CLSTN2: variants seen among roughly 807,000 people sequenced by gnomAD.
The protein encoded by CLSTN2 is calsyntenin 2.
A neutral mutation model predicts 101.2 loss-of-function variants in CLSTN2; 48 were observed. That is an observed-to-expected ratio of 0.47 (90% CI 0.38 to 0.60). The LOEUF (loss-of-function observed/expected upper bound fraction) is 0.60. Ranked by LOEUF, CLSTN2 falls within the 20% of genes least tolerant of loss-of-function variation. CLSTN2 has a pLI of 0.00. For missense variants in CLSTN2, 1,160 were observed against 1,238.2 expected (o/e 0.94, Z 0.95); for synonymous variants, 481 against 463.6 (o/e 1.04, Z -0.48).
intron 2 of CLSTN2, among the ~76,000 whole-genome samples, chr3:140,335,649 T>C (rs2087432433): frequency 1.3e-5 from 2 of 152,220 alleles, no homozygotes; most frequent in South Asian, 4.1e-4. Context: ...CCTTGGAGAC[T>C]ACATTTCTCA....
intron 1 of CLSTN2, among the ~76,000 whole-genome samples, chr3:139,969,292 C>G (rs1042438005): frequency 6.6e-6 from 1 of 152,202 alleles, no homozygotes; most frequent in African/African-American, 2.4e-5. Context: ...CCCAATTGCT[C>G]TTTGTCTTTT....
At chr3:140,052,635 G>A (rs1425247174) in intron 1 of CLSTN2, among the ~76,000 whole-genome samples, 2 of 152,180 alleles carry the variant, frequency 1.3e-5, no homozygotes, top group African/African-American at 2.4e-5. Flanking sequence ...CCACCACAAA[G>A]TCGGATTGGA....
At chr3:140,270,318 C>A (rs1299012093) in intron 2 of CLSTN2, among the ~76,000 whole-genome samples, 1 of 152,122 alleles carries the variant, frequency 6.6e-6, no homozygotes, top group Non-Finnish European at 1.5e-5. Context: ...TGCACCTGGC[C>A]CCAGAGCCTG....
chr3:140,424,941 C>A (rs2088548965), intron 5 of CLSTN2, among the ~76,000 whole-genome samples: 1 of 152,078 alleles, frequency 6.6e-6, no homozygotes, highest in Non-Finnish European at 1.5e-5. Flanking sequence ...GCCTCAACCC[C>A]CTCAGATCCA....
At chr3:140,105,091 G>A (rs1229108044) in intron 1 of CLSTN2, among the ~76,000 whole-genome samples, 5 of 152,214 alleles carry the variant, frequency 3.3e-5, no homozygotes, top group Non-Finnish European at 7.3e-5. Flanking sequence ...TCTAGCTTTT[G>A]GTTAAGCAGT....
At chr3:140,395,364 T>C (rs1289442865) in intron 2 of CLSTN2, among the ~76,000 whole-genome samples, 2 of 152,162 alleles carry the variant, frequency 1.3e-5, no homozygotes, top group Non-Finnish European at 2.9e-5. Context: ...TAGATAGACC[T>C]TTATACTTCC....
intron 1 of CLSTN2, among the ~76,000 whole-genome samples, chr3:140,080,417 G>A (rs1389619649): frequency 6.6e-6 from 1 of 152,208 alleles, no homozygotes; most frequent in African/African-American, 2.4e-5. Flanking sequence ...TTGAATGAAT[G>A]TTTGAAGACA....
chr3:140,524,244 C>A (rs1291238245), intron 8 of CLSTN2, among the ~76,000 whole-genome samples: 1 of 151,800 alleles, frequency 6.6e-6, no homozygotes, highest in Non-Finnish European at 1.5e-5. Context: ...GTTTGAAGTA[C>A]CTGTAGAACA....
At chr3:140,337,539 A>T (rs1269884630) in intron 2 of CLSTN2, among the ~76,000 whole-genome samples, 1 of 152,154 alleles carries the variant, frequency 6.6e-6, no homozygotes, top group Non-Finnish European at 1.5e-5. Flanking sequence ...CATTACATTC[A>T]CAGGTACCAG....
intron 5 of CLSTN2, among the ~76,000 whole-genome samples, chr3:140,426,352 C>A (rs2088564991): frequency 6.6e-6 from 1 of 152,122 alleles, no homozygotes; most frequent in Non-Finnish European, 1.5e-5. Flanking sequence ...TGTTCAGCTC[C>A]CACTTATAAA....
At chr3:140,195,990 T>G (rs2010638135) in intron 2 of CLSTN2, among the ~76,000 whole-genome samples, 1 of 152,176 alleles carries the variant, frequency 6.6e-6, no homozygotes, top group Admixed American at 6.5e-5. Flanking sequence ...CCTTCTATAG[T>G]GGATGCTGAT....
chr3:140,105,639 C>A (rs970261726), intron 1 of CLSTN2, among the ~76,000 whole-genome samples: 9 of 152,196 alleles, frequency 5.9e-5, no homozygotes, highest in African/African-American at 1.7e-4. Flanking sequence ...AGACTTATTA[C>A]TGGGGAGTGT....
chr3:140,210,391 A>G (rs1392446743), intron 2 of CLSTN2, among the ~76,000 whole-genome samples: 1 of 152,246 alleles, frequency 6.6e-6, no homozygotes, highest in African/African-American at 2.4e-5. Context: ...CAGGCTGTAC[A>G]TCTGGATGCT....
intron 2 of CLSTN2, among the ~76,000 whole-genome samples, chr3:140,310,733 C>T (rs1347577941): frequency 6.6e-6 from 1 of 152,102 alleles, no homozygotes; most frequent in Non-Finnish European, 1.5e-5. Context: ...CTATTTCATT[C>T]CATTCAAGAT....
At chr3:140,017,293 G>A (rs930811077) in intron 1 of CLSTN2, among the ~76,000 whole-genome samples, 12 of 152,302 alleles carry the variant, frequency 7.9e-5, no homozygotes, top group East Asian at 5.8e-4. Flanking sequence ...TGCAGAGGTC[G>A]TTGTTTCCTA....
chr3:140,056,387 A>G (rs1237003025), intron 1 of CLSTN2, among the ~76,000 whole-genome samples: 6 of 152,132 alleles, frequency 3.9e-5, no homozygotes, highest in Admixed American at 2.6e-4. Context: ...TCCCCTCTGT[A>G]CCCGCAGGGC....
intron 5 of CLSTN2, among the ~76,000 whole-genome samples, chr3:140,427,184 A>ATAT (rs1491323070): frequency 3.2e-5 from 3 of 94,170 alleles, no homozygotes; most frequent in South Asian, 3.2e-4. Context: ...AAAAAAAAAA[A>ATAT]ATATATATAT....
At chr3:139,939,043 T>C (rs1935078510) in intron 1 of CLSTN2, among the ~76,000 whole-genome samples, 1 of 151,906 alleles carries the variant, frequency 6.6e-6, no homozygotes, top group African/African-American at 2.4e-5. Flanking sequence ...TTTAAGAGAG[T>C]GGCAGCGGAG....
chr3:140,455,981 A>G (rs1933388766), intron 6 of CLSTN2, among the ~76,000 whole-genome samples: 1 of 152,166 alleles, frequency 6.6e-6, no homozygotes, highest in African/African-American at 2.4e-5. Context: ...GCCAGGGCAT[A>G]TGTCCTCAGT....
Sources: allele counts gnomAD v4.1 joint callset (sites outside exome capture counted in the v4.1 genomes callset), GRCh38; gene constraint gnomAD v4.1.1; transcripts MANE v1.5; gene names NCBI Gene and HGNC (gene_info 2026-07-23, HGNC 2026-07-21).